CTNND2: variants seen among roughly 807,000 people sequenced by gnomAD.
CTNND2 encodes the protein catenin delta-2.
CTNND2 carries 22 observed loss-of-function variants against 144.4 expected under a neutral mutation model. The observed-to-expected ratio is 0.15, with a 90% CI of 0.11 to 0.22. CTNND2 has a LOEUF of 0.22. Ranked by LOEUF, CTNND2 falls within the 10% of genes least tolerant of loss-of-function variation. The probability of loss-of-function intolerance (pLI) is 1.00; values close to 1 mark genes in which losing one functional copy is unlikely to be tolerated. For missense variants in CTNND2, 1,353 were observed against 1,618.8 expected (o/e 0.84, Z 2.82); for synonymous variants, 751 against 695.6 (o/e 1.08, Z -1.25).
chr5:11,604,290 G>C (rs958756515), intron 2 of CTNND2, among the ~76,000 whole-genome samples: 1 of 152,188 alleles, frequency 6.6e-6, no homozygotes, highest in African/African-American at 2.4e-5. Context: ...CAGTTGGCAT[G>C]AAAAATTTAC....
rs1764264212 is a variant in CTNND2, at chr5:11,441,548, T to TC, written c.288-29480_288-29479insG. ...CGCCCGCCACCATGCCCAGCTAATT[T>TC]TTTTTTTTTATTTTTAGTAGAGACG... On this transcript the variant is annotated intron_variant, in intron 3 of 21. Transcript: ENST00000304623. 4.6e-5 allele frequency among the ~76,000 whole-genome samples: 7 copies of TC among 151,326 alleles called. 1 individual carries two copies.
intron 1 of CTNND2, among the ~76,000 whole-genome samples, chr5:11,784,583 G>C (rs1312503927): frequency 6.6e-6 from 1 of 152,184 alleles, no homozygotes; most frequent in Admixed American, 6.5e-5. Context: ...ATAGAATTAA[G>C]GTTGCTAAGA....
intron 16 of CTNND2, among the ~76,000 whole-genome samples, chr5:11,068,687 G>A (rs1197250557): frequency 5.9e-5 from 9 of 152,178 alleles, no homozygotes; most frequent in Admixed American, 1.3e-4. Context: ...AAGCCGAGGC[G>A]GGCGGATCAC....
intron 3 of CTNND2, among the ~76,000 whole-genome samples, chr5:11,485,608 G>A (rs1039133702): frequency 1.3e-5 from 2 of 152,094 alleles, no homozygotes; most frequent in Admixed American, 6.5e-5. Flanking sequence ...AAACTCATAG[G>A]CATATGAGAG....
intron 1 of CTNND2, among the ~76,000 whole-genome samples, chr5:11,876,922 A>C (rs1735611115): frequency 6.6e-6 from 1 of 152,334 alleles, no homozygotes; most frequent in East Asian, 1.9e-4. Context: ...TAATTATGAC[A>C]GTTAAGACCT....
At chr5:11,474,459 G>T (rs905682511) in intron 3 of CTNND2, among the ~76,000 whole-genome samples, 18 of 152,204 alleles carry the variant, frequency 1.2e-4, no homozygotes, top group Admixed American at 1.1e-3. Context: ...CCAGAGAAAA[G>T]AGACAATAAT....
intron 1 of CTNND2, among the ~76,000 whole-genome samples, chr5:11,844,361 TACAC>T (rs3036040): frequency 4.0e-5 from 6 of 150,444 alleles, no homozygotes; most frequent in Admixed American, 2.0e-4. Flanking sequence ...TAGACTGAAA[TACAC>T]ACACACACAC....
At chr5:11,611,046 G>T (rs931129380) in intron 2 of CTNND2, among the ~76,000 whole-genome samples, 4 of 152,136 alleles carry the variant, frequency 2.6e-5, no homozygotes, top group African/African-American at 9.7e-5. Context: ...GTCATGGGAG[G>T]GACCTGGTGG....
chr5:11,027,070 A>G (rs1742919784), intron 16 of CTNND2: 1 of 152,240 alleles, frequency 6.6e-6, no homozygotes, highest in Admixed American at 6.5e-5. Flanking sequence ...AGAGACAAGC[A>G]GGTCATCAGG....
intron 16 of CTNND2, among the ~76,000 whole-genome samples, chr5:11,052,684 T>TA (rs1745960315): frequency 6.6e-6 from 1 of 152,114 alleles, no homozygotes; most frequent in Non-Finnish European, 1.5e-5. Flanking sequence ...CTGTCCCCCT[T>TA]ACCACAGTAA....
intron 9 of CTNND2, among the ~76,000 whole-genome samples, chr5:11,288,345 A>T (rs546977747): frequency 6.2e-5 from 9 of 144,796 alleles, no homozygotes; most frequent in South Asian, 2.2e-4. Flanking sequence ...TTTTTTTTTT[A>T]AATACGACTT....
intron 18 of CTNND2, among the ~76,000 whole-genome samples, chr5:11,003,706 T>G (rs760730871): frequency 6.6e-6 from 1 of 152,216 alleles, no homozygotes; most frequent in Non-Finnish European, 1.5e-5. Flanking sequence ...TTGTTAAAGA[T>G]TCATTAAAAC....
intron 1 of CTNND2, among the ~76,000 whole-genome samples, chr5:11,732,546 C>T (rs1292579152): frequency 6.6e-6 from 1 of 151,968 alleles, no homozygotes; most frequent in African/African-American, 2.4e-5. Context: ...AAGAAATCAT[C>T]AGAAGGAAAA....
chr5:11,619,628 C>T (rs1780742118), intron 2 of CTNND2, among the ~76,000 whole-genome samples: 1 of 152,100 alleles, frequency 6.6e-6, no homozygotes, highest in South Asian at 2.1e-4. Flanking sequence ...AATTTCTGAA[C>T]TTGTTTGCAT....
At chr5:11,192,345 T>A (rs1736364360) in intron 11 of CTNND2, among the ~76,000 whole-genome samples, 1 of 152,118 alleles carries the variant, frequency 6.6e-6, no homozygotes, top group African/African-American at 2.4e-5. Context: ...TGTGCTCACT[T>A]CCCTCAGACA....
At chr5:11,468,649 A>T (rs1456069233) in intron 3 of CTNND2, among the ~76,000 whole-genome samples, 1 of 152,156 alleles carries the variant, frequency 6.6e-6, no homozygotes, top group African/African-American at 2.4e-5. Context: ...GACTACACTT[A>T]TTCATTTCTA....
intron 6 of CTNND2, chr5:11,385,829 A>T (rs1436045601): frequency 6.6e-6 from 1 of 151,662 alleles, no homozygotes; most frequent in Non-Finnish European, 1.5e-5. Flanking sequence ...AGGGAAAAAT[A>T]CTAAGTCAGA....
At chr5:11,651,443 G>T (rs1002949437) in intron 2 of CTNND2, among the ~76,000 whole-genome samples, 1 of 152,248 alleles carries the variant, frequency 6.6e-6, no homozygotes, top group Non-Finnish European at 1.5e-5. Flanking sequence ...AGTGTGGAGG[G>T]GAAATGTGAG....
intron 3 of CTNND2, among the ~76,000 whole-genome samples, chr5:11,524,355 T>G (rs2150045087): frequency 6.6e-6 from 1 of 152,344 alleles, no homozygotes; most frequent in Admixed American, 6.5e-5. Flanking sequence ...CTGAAAGTAC[T>G]TTTGTTGTAA....
Sources: allele counts gnomAD v4.1 joint callset (sites outside exome capture counted in the v4.1 genomes callset), GRCh38; gene constraint gnomAD v4.1.1; transcripts MANE v1.5; gene names NCBI Gene and HGNC (gene_info 2026-07-23, HGNC 2026-07-21).